STIM1: variants seen among roughly 807,000 people sequenced by gnomAD.
STIM1 encodes the protein stromal interaction molecule 1.
In STIM1, 25 loss-of-function variants were observed where a neutral mutation model predicts 74.7. That is an observed-to-expected ratio of 0.33 (90% CI 0.24 to 0.47). STIM1 has a LOEUF of 0.47. Among genes scored for constraint, STIM1 ranks in the 20% least tolerant of loss-of-function variants. The pLI, the probability that STIM1 is intolerant of heterozygous loss-of-function variation, is 1.00. For missense variants in STIM1, 728 were observed against 920.8 expected, an observed-to-expected ratio of 0.79 and a Z score of 2.71; for synonymous variants, 328 against 348.8, an observed-to-expected ratio of 0.94 and a Z score of 0.66.
intron 1 of STIM1, among the ~76,000 whole-genome samples, chr11:3,883,320 G>A (rs1396792474): frequency 6.6e-6 from 1 of 152,006 alleles, no homozygotes; most frequent in African/African-American, 2.4e-5. Flanking sequence ...TCCCTTCTAT[G>A]AACATCTCTA....
chr11:4,022,860 G>C (rs2093968892), intron 2 of STIM1, among the ~76,000 whole-genome samples: 1 of 152,258 alleles, frequency 6.6e-6, no homozygotes. Context: ...CCAAAAGAGA[G>C]AGAGCTAGGT....
chr11:3,901,430 AGT>A (rs1484100287), intron 1 of STIM1, among the ~76,000 whole-genome samples: 2 of 152,228 alleles, frequency 1.3e-5, no homozygotes, highest in Non-Finnish European at 2.9e-5. Flanking sequence ...AAATGAACAC[AGT>A]GTGGTCCCCT....
chr11:4,021,623 C>G (rs1024107283), intron 2 of STIM1, among the ~76,000 whole-genome samples: 2 of 152,156 alleles, frequency 1.3e-5, no homozygotes, highest in African/African-American at 4.8e-5. Flanking sequence ...TGTGATTGCT[C>G]TAGCTTTGTT....
chr11:4,060,915 A>T (rs2094326234), intron 5 of STIM1, among the ~76,000 whole-genome samples: 1 of 152,222 alleles, frequency 6.6e-6, no homozygotes, highest in Non-Finnish European at 1.5e-5. Flanking sequence ...GCTGAGTCTT[A>T]AAAGATGAGA....
chr11:3,963,755 T>C (rs2093313380), intron 1 of STIM1, among the ~76,000 whole-genome samples: 1 of 152,226 alleles, frequency 6.6e-6, no homozygotes, highest in African/African-American at 2.4e-5. Context: ...CCCAGTATGT[T>C]GAATGTTACC....
intron 1 of STIM1, among the ~76,000 whole-genome samples, chr11:3,865,270 A>G (rs2090809780): frequency 6.6e-6 from 1 of 152,152 alleles, no homozygotes; most frequent in African/African-American, 2.4e-5. Context: ...CAGAAGAACA[A>G]ACTTACCCAA....
At chr11:3,990,685 AT>A (rs1313399531) in intron 2 of STIM1, among the ~76,000 whole-genome samples, 6 of 152,172 alleles carry the variant, frequency 3.9e-5, no homozygotes. Context: ...TTTGATTTAC[AT>A]TTCTCTGATG....
chr11:3,861,258 G>C (rs2090591663), intron 1 of STIM1, among the ~76,000 whole-genome samples: 1 of 150,064 alleles, frequency 6.7e-6, no homozygotes, highest in Non-Finnish European at 1.5e-5. Context: ...TTTTGAGATG[G>C]AGTCTTGCTC....
chr11:4,047,962 G>A (rs868066960), intron 3 of STIM1, among the ~76,000 whole-genome samples: 21 of 152,088 alleles, frequency 1.4e-4, no homozygotes, highest in South Asian at 4.2e-4. Flanking sequence ...GGAACTGAAG[G>A]TGCGTGCCAC....
At chr11:4,069,563 G>C (rs536905961) in intron 5 of STIM1, among the ~76,000 whole-genome samples, 293 of 152,310 alleles carry the variant, frequency 1.9e-3, no homozygotes, top group Non-Finnish European at 3.2e-3. Context: ...AGTGACTTCA[G>C]TCCTACAGCC....
rs374610397 is a variant in STIM1, at chr11:4,004,978, G to A, written c.271-18895G>A. On this transcript the variant is annotated intron_variant, in intron 2 of 12. Coordinates refer to ENST00000526596, the MANE Select transcript of STIM1 (RefSeq NM_001382567.1). ...ATTTATGCAGCCAAAAAACACATGA[G>A]AAAATGCTCATCATCACTGGTCATC... Among the ~76,000 whole-genome samples the A allele has an allele frequency of 2.0e-5, 3 of 152,208 alleles. No individual in the cohort carries two copies. The South Asian group carries it at 6.2e-4, about 32-fold the overall frequency.
chr11:4,046,059 CTTTTTTTTTTT>C (rs35783768), intron 3 of STIM1, among the ~76,000 whole-genome samples: 2 of 59,030 alleles, frequency 3.4e-5, no homozygotes, highest in Non-Finnish European at 6.0e-5. Flanking sequence ...CGTGAGCTAC[CTTTTTTTTTTT>C]TTTTTTTTTT....
chr11:3,997,107 C>G (rs936798459), intron 2 of STIM1, among the ~76,000 whole-genome samples: 12 of 152,184 alleles, frequency 7.9e-5, no homozygotes, highest in African/African-American at 2.4e-4. Context: ...TGGCCAGGTA[C>G]CTGGCAAGCT....
chr11:4,004,879 C>G (rs951598126), intron 2 of STIM1, among the ~76,000 whole-genome samples: 2 of 152,140 alleles, frequency 1.3e-5, no homozygotes, highest in Admixed American at 6.5e-5. Context: ...TGAACTTAAA[C>G]AAACTTACAA....
At chr11:3,962,391 A>T (rs1425837395) in intron 1 of STIM1, among the ~76,000 whole-genome samples, 1 of 151,832 alleles carries the variant, frequency 6.6e-6, no homozygotes, top group Non-Finnish European at 1.5e-5. Context: ...CTCCAGTTCC[A>T]TCCACGTTGC....
chr11:3,880,380 G>C (rs1202162462), intron 1 of STIM1, among the ~76,000 whole-genome samples: 1 of 152,080 alleles, frequency 6.6e-6, no homozygotes, highest in African/African-American at 2.4e-5. Context: ...GCTGATAGAG[G>C]ATGAGCTTGA....
chr11:4,059,878 C>T (rs529506050), intron 5 of STIM1, among the ~76,000 whole-genome samples: 74 of 152,288 alleles, frequency 4.9e-4, no homozygotes, highest in Non-Finnish European at 9.1e-4. Context: ...GAAAAGTATG[C>T]TCAGGGATAG....
chr11:3,915,109 G>A (rs1425021226), intron 1 of STIM1, among the ~76,000 whole-genome samples: 1 of 151,836 alleles, frequency 6.6e-6, no homozygotes, highest in East Asian at 1.9e-4. Context: ...AAATTAGGTT[G>A]TTTTTTGTTG....
At chr11:4,044,568 T>A (rs1319253137) in intron 3 of STIM1, among the ~76,000 whole-genome samples, 1 of 152,188 alleles carries the variant, frequency 6.6e-6, no homozygotes, top group Non-Finnish European at 1.5e-5. Context: ...TTGTTCAGAC[T>A]ATAGTGACTC....
Sources: allele counts gnomAD v4.1 joint callset (sites outside exome capture counted in the v4.1 genomes callset), GRCh38; gene constraint gnomAD v4.1.1; transcripts MANE v1.5; gene names NCBI Gene and HGNC (gene_info 2026-07-23, HGNC 2026-07-21).